Variants in ST8SIA4 observed in about 807,000 individuals in gnomAD.
The protein encoded by ST8SIA4 is ST8 alpha-N-acetyl-neuraminide alpha-2,8-sialyltransferase 4.
In ST8SIA4, 15 loss-of-function variants were observed where a neutral mutation model predicts 33.9. The observed-to-expected ratio is 0.44, with a 90% CI of 0.30 to 0.68. ST8SIA4 has a LOEUF of 0.68. Among genes scored for constraint, ST8SIA4 ranks in the 30% least tolerant of loss-of-function variants. The pLI is 0.10. For synonymous variants in ST8SIA4, 171 were observed against 151.2 expected (o/e 1.13, Z -0.96); for missense variants, 321 against 428.0 (o/e 0.75, Z 2.21).
chr5:100,891,936 T>G (rs1427696533), intron 2 of ST8SIA4, among the ~76,000 whole-genome samples: 1 of 152,070 alleles, frequency 6.6e-6, no homozygotes, highest in Admixed American at 6.6e-5. Flanking sequence ...AGTAAATCTA[T>G]GTATGCAATA....
At chr5:100,819,034 T>C (rs1173603575) in intron 4 of ST8SIA4, among the ~76,000 whole-genome samples, 1 of 152,208 alleles carries the variant, frequency 6.6e-6, no homozygotes, top group Non-Finnish European at 1.5e-5. Context: ...AGTGAATACG[T>C]AACTCTCATT....
intron 4 of ST8SIA4, among the ~76,000 whole-genome samples, chr5:100,850,007 A>T (rs1041023101): frequency 6.6e-5 from 10 of 152,170 alleles, no homozygotes; most frequent in Non-Finnish European, 1.2e-4. Context: ...CAGGTATCTT[A>T]TGTATTCTCC....
chr5:100,854,672 C>T (rs1469593676), intron 4 of ST8SIA4, among the ~76,000 whole-genome samples: 1 of 152,126 alleles, frequency 6.6e-6, no homozygotes, highest in East Asian at 1.9e-4. Flanking sequence ...AAGAAACTAT[C>T]TAGAGATTTA....
chr5:100,844,820 A>G (rs528816630), intron 4 of ST8SIA4, among the ~76,000 whole-genome samples: 2 of 152,126 alleles, frequency 1.3e-5, no homozygotes, highest in East Asian at 3.9e-4. Flanking sequence ...TTATTCTGCT[A>G]CAATGTATTT....
intron 4 of ST8SIA4, among the ~76,000 whole-genome samples, chr5:100,853,440 T>C (rs1751745742): frequency 6.6e-6 from 1 of 152,208 alleles, no homozygotes; most frequent in South Asian, 2.1e-4. Flanking sequence ...AGAGGGTATA[T>C]GTAGATTTGT....
At chr5:100,878,262 C>T (rs1006109144) in intron 3 of ST8SIA4, among the ~76,000 whole-genome samples, 8 of 152,004 alleles carry the variant, frequency 5.3e-5, no homozygotes, top group African/African-American at 1.7e-4. Flanking sequence ...ACTGCAACCT[C>T]GGCCTCCCAG....
At chr5:100,902,299 G>A (rs1430671134) in intron 1 of ST8SIA4, among the ~76,000 whole-genome samples, 2 of 151,990 alleles carry the variant, frequency 1.3e-5, no homozygotes, top group Non-Finnish European at 2.9e-5. Context: ...GAACAAATAA[G>A]GAAGTATCCT....
At chr5:100,882,969 A>G (rs373039421) in intron 3 of ST8SIA4, among the ~76,000 whole-genome samples, 1 of 152,210 alleles carries the variant, frequency 6.6e-6, no homozygotes, top group East Asian at 1.9e-4. Context: ...TGGAAGGGAA[A>G]TGTGAGGTTG....
In ST8SIA4 at chr5:100,856,096, C is replaced by A. The variant is rs765609785; in HGVS notation, c.797+7G>T. 3 of 1,612,506 alleles carry A rather than the reference C, an allele frequency of 1.9e-6. No individual in the cohort carries two copies. The South Asian group carries it at 3.3e-5, about 18-fold the overall frequency. ...CAAGGACAAACTGGTCCTTTCCAGT[C>A]ACTTACCCTCTGACAGCATGAATAA... is the stretch of plus-strand genomic sequence containing the variant. On this transcript the variant is annotated splice_region_variant and intron_variant, in intron 4 of 4. Transcript: ENST00000231461.
At chr5:100,863,389 A>G (rs1751989080) in intron 3 of ST8SIA4, among the ~76,000 whole-genome samples, 1 of 152,234 alleles carries the variant, frequency 6.6e-6, no homozygotes, top group Non-Finnish European at 1.5e-5. Context: ...AAAGTACAGT[A>G]CTAAAATTCA....
intron 3 of ST8SIA4, among the ~76,000 whole-genome samples, chr5:100,864,524 G>A (rs568274372): frequency 2.2e-5 from 3 of 137,722 alleles, no homozygotes; most frequent in East Asian, 2.3e-4. Context: ...GCAGTGAGCC[G>A]AGATTACGCC....
At chr5:100,819,781 C>T (rs2112402392) in intron 4 of ST8SIA4, among the ~76,000 whole-genome samples, 1 of 152,244 alleles carries the variant, frequency 6.6e-6, no homozygotes, top group East Asian at 1.9e-4. Context: ...AGTAAGGAAG[C>T]TGTCTTTGTA....
chr5:100,893,241 AT>A (rs529378575), intron 2 of ST8SIA4, among the ~76,000 whole-genome samples: 2 of 152,098 alleles, frequency 1.3e-5, no homozygotes, highest in East Asian at 3.8e-4. Context: ...CATATTCTAA[AT>A]TTTTTTATTA....
intron 4 of ST8SIA4, among the ~76,000 whole-genome samples, chr5:100,843,220 T>C (rs1232257371): frequency 6.6e-6 from 1 of 151,904 alleles, no homozygotes; most frequent in African/African-American, 2.4e-5. Flanking sequence ...CAAAAGGCAA[T>C]ATTTTCTTTA....
At chr5:100,876,478 T>A (rs1047886657) in intron 3 of ST8SIA4, among the ~76,000 whole-genome samples, 2 of 152,098 alleles carry the variant, frequency 1.3e-5, no homozygotes, top group Non-Finnish European at 1.5e-5. Context: ...TATCTTTTTT[T>A]ATAAACCTTT....
chr5:100,869,232 G>A (rs1231021639), intron 3 of ST8SIA4, among the ~76,000 whole-genome samples: 1 of 152,124 alleles, frequency 6.6e-6, no homozygotes, highest in East Asian at 1.9e-4. Context: ...ACTGACAAGT[G>A]TATTTGTGTT....
intron 3 of ST8SIA4, among the ~76,000 whole-genome samples, chr5:100,859,055 A>G (rs183204166): frequency 6.6e-6 from 1 of 152,094 alleles, no homozygotes; most frequent in African/African-American, 2.4e-5. Flanking sequence ...TTTTAGTCAT[A>G]TAATTAGCTG....
chr5:100,868,012 A>C (rs1752112013), intron 3 of ST8SIA4, among the ~76,000 whole-genome samples: 1 of 151,990 alleles, frequency 6.6e-6, no homozygotes, highest in Non-Finnish European at 1.5e-5. Flanking sequence ...GTAATGCCTG[A>C]TCCCCATAAT....
At position 100,809,841 on chromosome 5, in the gene ST8SIA4, C is replaced by A. The variant is rs1368004444; in HGVS notation, c.*2006G>T. The A allele has an allele frequency of 6.6e-6, 1 of 152,060 alleles. No homozygotes were observed. The highest frequency in any genetic ancestry group is 6.6e-5 in the Admixed American group (1 of 15,262). 9.4% of individuals were successfully genotyped at this position (152,060 alleles called of 1,614,324 possible). The stretch of plus-strand genomic sequence containing the variant: ...ATTAGATTTTACTTACTTAGAGACA[C>A]ATACATTCTCAAAAGATGTAATATT... On this transcript the variant is annotated 3_prime_UTR_variant, in exon 5 of 5. Coordinates refer to ENST00000231461, the MANE Select transcript of ST8SIA4 (RefSeq NM_005668.6).
Sources: gnomAD v4.1 joint callset for allele counts (sites outside exome capture counted in the v4.1 genomes callset) on GRCh38, gnomAD v4.1.1 for gene constraint, MANE v1.5 for transcripts, NCBI Gene and HGNC (gene_info 2026-07-23, HGNC 2026-07-21) for gene names.